Variants in WNT11 observed in about 807,000 individuals in gnomAD.
The protein encoded by WNT11 is Wnt family member 11, also known as protein Wnt-11.
In WNT11, 20 loss-of-function variants were observed where a neutral mutation model predicts 35.6. The observed-to-expected ratio is 0.56, with a 90% CI of 0.40 to 0.82. WNT11 has a LOEUF of 0.82. Ranked by LOEUF, WNT11 falls within the 40% of genes least tolerant of loss-of-function variation. The pLI, the probability that WNT11 is intolerant of heterozygous loss-of-function variation, is 0.00. For missense variants in WNT11, 459 were observed against 504.4 expected, an observed-to-expected ratio of 0.91 and a Z score of 0.86; for synonymous variants, 200 against 211.9, an observed-to-expected ratio of 0.94 and a Z score of 0.49.
At chr11:76,202,734 C>T (rs655814) in intron 1 of WNT11, among the ~76,000 whole-genome samples, 49,000 of 152,082 alleles carry the variant, frequency 0.32, 8,227 homozygotes, top group East Asian at 0.55. Context: ...GAAGAAGAAG[C>T]CCCTGGGGCC....
upstream of WNT11, among the ~76,000 whole-genome samples, chr11:76,208,138 A>C (rs1452492594): frequency 6.6e-6 from 1 of 152,190 alleles, no homozygotes; most frequent in Non-Finnish European, 1.5e-5. Context: ...GCGTCCCCCG[A>C]GGACCCCGTC....
chr11:76,188,074 C>G (rs1321356895), intron 4 of WNT11, among the ~76,000 whole-genome samples: 1 of 152,200 alleles, frequency 6.6e-6, no homozygotes, highest in Non-Finnish European at 1.5e-5. Context: ...ATGTCAAGAT[C>G]ATTTGATTTT....
At chr11:76,206,166 C>T (rs902927312) in intron 1 of WNT11, among the ~76,000 whole-genome samples, 159 bp downstream of exon 1, 1 of 152,210 alleles carries the variant, frequency 6.6e-6, no homozygotes, top group East Asian at 1.9e-4. Context: ...GGACATTTTA[C>T]AGAGGAGGAA....
intron 1 of WNT11, among the ~76,000 whole-genome samples, chr11:76,199,674 G>A (rs566608921): frequency 1.6e-3 from 236 of 152,110 alleles, no homozygotes; most frequent in African/African-American, 5.3e-3. Flanking sequence ...GTGGTGGTGC[G>A]CGCCTGTAGT....
intron 3 of WNT11, among the ~76,000 whole-genome samples, chr11:76,193,751 CTG>C (rs2134576550): frequency 6.6e-6 from 1 of 152,338 alleles, no homozygotes; most frequent in African/African-American, 2.4e-5. Flanking sequence ...CTTAGTGCCT[CTG>C]TAAAATGGGG....
chr11:76,201,262 C>T (rs1403674292), intron 1 of WNT11, among the ~76,000 whole-genome samples: 4 of 152,208 alleles, frequency 2.6e-5, no homozygotes, highest in Admixed American at 2.0e-4. Flanking sequence ...TGGAGGCTGA[C>T]GCTGGGACAG....
intron 4 of WNT11, among the ~76,000 whole-genome samples, chr11:76,191,159 G>A (rs958684204): frequency 6.6e-6 from 1 of 152,212 alleles, no homozygotes; most frequent in African/African-American, 2.4e-5. Context: ...GCTGTGCAAC[G>A]AGCAGGCTGT....
chr11:76,190,557 C>T (rs1207711813), intron 4 of WNT11, among the ~76,000 whole-genome samples: 2 of 152,154 alleles, frequency 1.3e-5, no homozygotes, highest in African/African-American at 2.4e-5. Context: ...AGGAAGTCAA[C>T]GCTGGCTGTG....
intron 1 of WNT11, among the ~76,000 whole-genome samples, chr11:76,197,518 T>C (rs1397389785): frequency 6.6e-6 from 1 of 152,196 alleles, no homozygotes; most frequent in African/African-American, 2.4e-5. Context: ...ATGTCCCTGC[T>C]TGGAGAGTCA....
chr11:76,196,713 A>G lies in WNT11; in HGVS notation c.89T>C (p.Leu30Pro). 1 of 1,603,606 alleles carries G rather than the reference A, an allele frequency of 6.2e-7. No individual in the cohort carries two copies. Among genetic ancestry groups the G allele is most frequent in the Non-Finnish European group, 8.5e-7 (1 of 1,175,334 alleles). ...TGCCAGGGCCGATGGTGTCTTGGACAGCGCCCTGCACACCATGGAAAGGCC... is the reference window on the plus strand; with the variant it reads ...TGCCAGGGCCGATGGTGTCTTGGACGGCGCCCTGCACACCATGGAAAGGCC... ...GVCYGIKWLA[L>P]SKTPSALALN... Residue 30 changes from leucine to proline, a missense_variant, in exon 2 of 5, where the codon CTG becomes CCG. Transcript: ENST00000322563.
Position 76,186,854 on chromosome 11 carries a change from G to T in WNT11, c.*211C>A. The stretch of plus-strand genomic sequence containing the variant: ...CTGCCAAGTTATTTTTAATCTTGTC[G>T]GTTTCCTTTGATGTCCTGCCCTCCT... On this transcript the variant is annotated 3_prime_UTR_variant, in exon 5 of 5. Transcript: ENST00000322563. 1.3e-6 allele frequency: 1 copy of T among 742,214 alleles called. No homozygotes were observed. The highest frequency in any genetic ancestry group is 2.3e-6 in the Non-Finnish European group (1 of 427,310). 46.0% of individuals were successfully genotyped at this position (742,214 alleles called of 1,614,324 possible).
upstream of WNT11, chr11:76,210,411 C>A (rs1953550142): frequency 1.0e-6 from 1 of 984,166 alleles, no homozygotes; most frequent in African/African-American, 1.8e-5. Flanking sequence ...CGGACTCGGG[C>A]GCCCCCAGCC....
At position 76,201,247 on chromosome 11, in the gene WNT11, C is replaced by T. The variant is rs58323780; in HGVS notation, c.84-4529G>A. Among the ~76,000 whole-genome samples, 1,216 of 152,340 alleles carry T rather than the reference C, an allele frequency of 8.0e-3. 17 individuals are homozygous for T. The highest frequency in any genetic ancestry group is 0.028 in the African/African-American group (1,165 of 41,574). On this transcript the variant is annotated intron_variant, in intron 1 of 4. Coordinates refer to ENST00000322563, the MANE Select transcript of WNT11 (RefSeq NM_004626.3). Reference sequence around the variant, plus strand: ...AGAGCAGTGTGAAGGCCCAGGGGCCCGCCTTGGAGGCTGACGCTGGGACAG... The same window carrying T: ...AGAGCAGTGTGAAGGCCCAGGGGCCTGCCTTGGAGGCTGACGCTGGGACAG...
At chr11:76,198,412 C>A (rs573683184) in intron 1 of WNT11, among the ~76,000 whole-genome samples, 1 of 152,290 alleles carries the variant, frequency 6.6e-6, no homozygotes, top group African/African-American at 2.4e-5. Flanking sequence ...ATTCAGGGCC[C>A]CTCAAAGCCT....
intron 1 of WNT11, among the ~76,000 whole-genome samples, chr11:76,204,400 C>T (rs1280859554): frequency 6.6e-6 from 1 of 152,204 alleles, no homozygotes; most frequent in Non-Finnish European, 1.5e-5. Context: ...TTCTCCAGGT[C>T]TCCCCGCATG....
intron 1 of WNT11, among the ~76,000 whole-genome samples, chr11:76,201,593 C>T (rs1391360066): frequency 2.6e-5 from 4 of 152,098 alleles, no homozygotes; most frequent in Admixed American, 6.5e-5. Context: ...AGTTCACAGG[C>T]GAGGCCCGAG....
intron 4 of WNT11, chr11:76,190,713 C>T (rs79996640): frequency 6.6e-6 from 1 of 152,362 alleles, no homozygotes; most frequent in South Asian, 2.1e-4. Flanking sequence ...GAAACACTGG[C>T]TTAAACAGAT....
At chr11:76,209,720 C>T (rs1309925870), upstream of WNT11, among the ~76,000 whole-genome samples, 1 of 152,054 alleles carries the variant, frequency 6.6e-6, no homozygotes, top group Non-Finnish European at 1.5e-5. Flanking sequence ...GGTGGGAGCA[C>T]TCGAGATCCC....
At chr11:76,196,939 G>A (rs1281891477) in intron 1 of WNT11, among the ~76,000 whole-genome samples, 2 of 152,136 alleles carry the variant, frequency 1.3e-5, no homozygotes, top group African/African-American at 4.8e-5. Flanking sequence ...TCCCTCTCTG[G>A]GCCTCAGGCC....
Sources: gnomAD v4.1 joint callset for allele counts (sites outside exome capture counted in the v4.1 genomes callset) on GRCh38, gnomAD v4.1.1 for gene constraint, MANE v1.5 for transcripts, NCBI Gene and HGNC (gene_info 2026-07-23, HGNC 2026-07-21) for gene names.